The following GABARAP variants were observed in gnomAD, a reference collection of about 807,000 sequenced individuals.
GABARAP encodes the protein GABA type A receptor-associated protein, also known as gamma-aminobutyric acid receptor-associated protein.
A neutral mutation model predicts 16.7 loss-of-function variants in GABARAP; 5 were observed. That is an observed-to-expected ratio of 0.30 (90% CI 0.16 to 0.63). GABARAP has a LOEUF of 0.63. GABARAP is among the 20% of genes least tolerant of loss of function. The pLI, the probability that GABARAP is intolerant of heterozygous loss-of-function variation, is 0.82. For missense variants in GABARAP, 84 were observed against 146.6 expected (o/e 0.57, Z 2.21); for synonymous variants, 45 against 52.7 (o/e 0.85, Z 0.64).
In GABARAP at chr17:7,242,277, G is replaced by C; in HGVS notation, c.54C>G (p.Gly18=). Residue 18 remains glycine (G), a synonymous_variant, in exon 1 of 4, where the codon GGC becomes GGG. Transcript: ENST00000302386. ...EHPFEKRRSE[G]EKIRKKYPDR... is the part of the protein sequence containing the mutation. ...CCGGGTATTTCTTTCGGATCTTCTC[G>C]CCCTCAGAGCGGCGCTTCTCGAACG... 1 of 1,613,742 alleles carries C rather than the reference G, an allele frequency of 6.2e-7. No individual in the cohort carries two copies. The highest frequency in any genetic ancestry group is 8.5e-7 in the Non-Finnish European group (1 of 1,179,810).
chr17:7,241,194 C>T, intron 3 of GABARAP, 148 bp downstream of exon 3: 1 of 702,962 alleles, frequency 1.4e-6, no homozygotes, highest in Non-Finnish European at 2.6e-6. Flanking sequence ...TCCTACTGTT[C>T]TGTCCAAACC....
Position 7,241,646 on chromosome 17 carries a change from C to G in GABARAP, c.124G>C (p.Gly42Arg). 6.2e-7 allele frequency: 1 copy of G among 1,612,174 alleles called. No individual in the cohort carries two copies. Among genetic ancestry groups the G allele is most frequent in the Admixed American group, 1.7e-5 (1 of 60,032 alleles). ...AGGTATTTCTTTTTGTCCAGGTCTC[C>G]TATCCGAGCTTTGGGAGCCTTTTCT... is the stretch of plus-strand genomic sequence containing the variant. ...IVEKAPKARI[G>R]DLDKKKYLVP... is the part of the protein sequence containing the mutation. Residue 42 changes from glycine to arginine, a missense_variant, in exon 2 of 4, where the codon GGA becomes CGA. Coordinates refer to ENST00000302386, the MANE Select transcript of GABARAP (RefSeq NM_007278.2).
intron 3 of GABARAP, 71 bp downstream of exon 3, chr17:7,241,271 C>T: frequency 3.6e-6 from 3 of 835,100 alleles, no homozygotes; most frequent in South Asian, 2.7e-5. Context: ...ACTGATGTAA[C>T]AACACTTTCT....
intron 1 of GABARAP, 85 bp from the exon 2 acceptor site, chr17:7,241,764 G>T: frequency 1.2e-6 from 1 of 866,286 alleles, no homozygotes; most frequent in Non-Finnish European, 2.0e-6. Flanking sequence ...AATATTCCTA[G>T]CACCTAAATC....
chr17:7,240,890 G>A lies in GABARAP; in HGVS notation c.318C>T (p.Tyr106=), dbSNP rs754804212. 6 of 1,612,962 alleles carry A rather than the reference G, an allele frequency of 3.7e-6. No individual in the cohort carries two copies. The Admixed American group carries it at 5.0e-5, about 13-fold the overall frequency. Reference sequence around the variant, plus strand: ...AGACACTTTCGTCACTGTAGGCAATGTAGAGAAAGAAGTCTTCTTCATGGT... The same window carrying A: ...AGACACTTTCGTCACTGTAGGCAATATAGAGAAAGAAGTCTTCTTCATGGT... ...QEHHEEDFFL[Y]IAYSDESVYG... Residue 106 remains tyrosine (Y), a synonymous_variant, in exon 4 of 4, where the codon TAC becomes TAT. Transcript: ENST00000302386.
In GABARAP at chr17:7,242,355, G is replaced by A. The variant is rs1402714667; in HGVS notation, c.-25C>T. ...TCCTCCCGGGAACCGGGCTGGACAG[G>A]GCTGGGCTGAGGGAACCCAGGGGGG... On this transcript the variant is annotated 5_prime_UTR_variant, in exon 1 of 4. Transcript: ENST00000302386. 6.3e-7 allele frequency: 1 copy of A among 1,593,796 alleles called. No individual in the cohort carries two copies. The highest frequency in any genetic ancestry group is 1.3e-5 in the African/African-American group (1 of 74,556).
chr17:7,242,045 TCCACATCCCTCTCAACC>T (rs1358786679), intron 1 of GABARAP, 179 bp downstream of exon 1: 2 of 605,752 alleles, frequency 3.3e-6, no homozygotes, highest in Non-Finnish European at 5.9e-6. Flanking sequence ...CTCTCTCCTG[TCCACATCCCTCTCAACC>T]CCACATCCAC....
chr17:7,242,060 AC>A, intron 1 of GABARAP, 180 bp downstream of exon 1: 1 of 609,542 alleles, frequency 1.6e-6, no homozygotes, highest in Admixed American at 2.9e-5. Context: ...ATCCCTCTCA[AC>A]CCCACATCCA....
chr17:7,241,029 G>A (rs1358376092), intron 3 of GABARAP, 110 bp from the exon 4 acceptor site: 2 of 779,104 alleles, frequency 2.6e-6, no homozygotes, highest in African/African-American at 3.4e-5. Context: ...CTCCTTCACT[G>A]ACTCCAAGGC....
At chr17:7,242,089 TC>T (rs1420588468) in intron 1 of GABARAP, 151 bp downstream of exon 1, 1 of 635,228 alleles carries the variant, frequency 1.6e-6, no homozygotes, top group East Asian at 2.7e-5. Context: ...CCCACTCCTT[TC>T]ATCCTGGGTC....
intron 2 of GABARAP, 46 bp downstream of exon 2, chr17:7,241,555 C>T (rs1488087701): frequency 6.9e-7 from 1 of 1,440,170 alleles, no homozygotes; most frequent in South Asian, 1.1e-5. Context: ...AGAGACTGCA[C>T]TCCCACCCAC....
At chr17:7,242,163 C>T in intron 1 of GABARAP, 78 bp downstream of exon 1, 2 of 980,558 alleles carry the variant, frequency 2.0e-6, no homozygotes, top group African/African-American at 3.6e-5. Context: ...GATCCCTGCG[C>T]TGCCTGTCCC....
rs774769167 is a variant in GABARAP, at chr17:7,240,826, A to AC, written c.*27dup. On this transcript the variant is annotated 3_prime_UTR_variant, in exon 4 of 4. Coordinates refer to ENST00000302386, the MANE Select transcript of GABARAP (RefSeq NM_007278.2). ...GCCACCTCTCTCTTTGTAGAATGAG[A>AC]CCCCCCTCCAGCTCAGGGGCAGCAG... is the stretch of plus-strand genomic sequence containing the variant. 73 of 1,522,996 alleles carry AC rather than the reference A, an allele frequency of 4.8e-5. No individual in the cohort carries two copies. The Admixed American group carries it at 6.0e-4, about 13-fold the overall frequency. 94.3% of individuals were successfully genotyped at this position (1,522,996 alleles called of 1,614,324 possible). A position where few individuals can be genotyped will look rare whatever the true frequency, so the allele number is the denominator to read the frequency against.
chr17:7,241,650 C>T lies in GABARAP; in HGVS notation c.120G>A (p.Arg40=). 6.2e-7 allele frequency: 1 copy of T among 1,612,040 alleles called. No homozygotes were observed. Among genetic ancestry groups the T allele is most frequent in the South Asian group, 1.1e-5 (1 of 91,026 alleles). ...ATTTCTTTTTGTCCAGGTCTCCTATCCGAGCTTTGGGAGCCTTTTCTACTA... is the reference window on the plus strand; with the variant it reads ...ATTTCTTTTTGTCCAGGTCTCCTATTCGAGCTTTGGGAGCCTTTTCTACTA... ...PVIVEKAPKA[R]IGDLDKKKYL... is the part of the protein sequence containing the mutation. Residue 40 remains arginine (R), a synonymous_variant, in exon 2 of 4, where the codon CGG becomes CGA. Transcript: ENST00000302386.
rs2071778725 is a variant in GABARAP, at chr17:7,241,523, G to C, written c.170-63C>G. On this transcript the variant is annotated intron_variant, in intron 2 of 3. Transcript: ENST00000302386. ...CAAAAATGCCCTCAAAAGAACAGCT[G>C]CTAGGTGGAGCCTCCTCCCGCAGAG... is the stretch of plus-strand genomic sequence containing the variant. The C allele has an allele frequency of 1.3e-5, 17 of 1,317,852 alleles. No homozygotes were observed. The South Asian group carries it at 1.9e-4, about 15-fold the overall frequency. 81.6% of individuals were successfully genotyped at this position (1,317,852 alleles called of 1,614,324 possible). A position where few individuals can be genotyped will look rare whatever the true frequency, so the allele number is the denominator to read the frequency against.
At chr17:7,240,955 C>A (rs780228095) in intron 3 of GABARAP, 36 bp from the exon 4 acceptor site, 1 of 1,463,616 alleles carries the variant, frequency 6.8e-7, no homozygotes, top group Non-Finnish European at 9.6e-7. Context: ...AGCAACTGGG[C>A]TCCAGTAACT....
rs2071787521 is a variant in GABARAP at position 7,242,421 on chromosome 17, G to T, written c.-91C>A. On this transcript the variant is annotated 5_prime_UTR_variant, in exon 1 of 4. Transcript: ENST00000302386. ...GCGACGACGGCGGCGACGCGCGGGC[G>T]GATTCAGCGGAGCGATCCACGAATT... 1.9e-5 allele frequency: 18 copies of T among 931,998 alleles called. No homozygotes were observed. The South Asian group carries it at 2.4e-4, about 12-fold the overall frequency. 57.7% of individuals were successfully genotyped at this position (931,998 alleles called of 1,614,324 possible).
At chr17:7,241,211 C>A (rs2071774752) in intron 3 of GABARAP, 131 bp downstream of exon 3, 2 of 719,284 alleles carry the variant, frequency 2.8e-6, no homozygotes, top group South Asian at 3.1e-5. Context: ...AACCCCCAAC[C>A]CACGGCTATT....
Position 7,241,323 on chromosome 17 carries a change from C to A in GABARAP, c.288+19G>T. 9.1e-7 allele frequency: 1 copy of A among 1,103,608 alleles called. No individual in the cohort carries two copies. The highest frequency in any genetic ancestry group is 1.2e-5 in the South Asian group (1 of 80,852). 68.4% of individuals were successfully genotyped at this position (1,103,608 alleles called of 1,614,324 possible). On this transcript the variant is annotated intron_variant, in intron 3 of 3. Transcript: ENST00000302386. Reference sequence around the variant, plus strand: ...CAAGATTCCTCTCCAAAGCCTCCACCACTTCCCAGTCACCATACCTGGTAC... The same window carrying A: ...CAAGATTCCTCTCCAAAGCCTCCACAACTTCCCAGTCACCATACCTGGTAC...
Sources: gnomAD v4.1 joint callset for allele counts on GRCh38, gnomAD v4.1.1 for gene constraint, MANE v1.5 for transcripts, NCBI Gene and HGNC (gene_info 2026-07-23, HGNC 2026-07-21) for gene names.